The following QSOX1 variants were observed in gnomAD, a reference collection of about 807,000 sequenced individuals.
QSOX1 encodes quiescin sulfhydryl oxidase 1.
QSOX1 carries 40 observed loss-of-function variants against 76.1 expected under a neutral mutation model. That is an observed-to-expected ratio of 0.53 (90% confidence interval 0.41 to 0.68). The LOEUF (loss-of-function observed/expected upper bound fraction) is 0.68. Among genes scored for constraint, QSOX1 ranks in the 30% least tolerant of loss-of-function variants. The probability of loss-of-function intolerance (pLI) is 0.00; values close to 1 mark genes in which losing one functional copy is unlikely to be tolerated. For synonymous variants in QSOX1, 392 were observed against 413.1 expected, an observed-to-expected ratio of 0.95 and a Z score of 0.62; for missense variants, 931 against 974.3, an observed-to-expected ratio of 0.96 and a Z score of 0.59.
At chr1:180,159,037 C>A (rs1190369539) in intron 1 of QSOX1, among the ~76,000 whole-genome samples, 3 of 152,210 alleles carry the variant, frequency 2.0e-5, no homozygotes, top group Non-Finnish European at 4.4e-5. Flanking sequence ...GCAGGGGACG[C>A]TGCCCTTGAC....
Position 180,155,139 on chromosome 1 carries a change from C to T in QSOX1, c.232C>T (p.Pro78Ser). ...SWCGHCIAFAPTWKALAEDVK... is the reference protein window; with the variant it reads ...SWCGHCIAFASTWKALAEDVK... Reference sequence around the variant, plus strand: ...GTGCGGCCACTGCATCGCCTTCGCCCCGACGTGGAAGGCGCTGGCCGAAGA... The same window carrying T: ...GTGCGGCCACTGCATCGCCTTCGCCTCGACGTGGAAGGCGCTGGCCGAAGA... The change falls in exon 1 of 12, where the codon CCG becomes TCG. Residue 78 changes from proline (P) to serine (S), a missense_variant. By Grantham distance (74) the Pro-to-Ser change is moderately conservative. Coordinates refer to ENST00000367602, the MANE Select transcript of QSOX1 (RefSeq NM_002826.5). The T allele has an allele frequency of 6.6e-7, 1 of 1,521,508 alleles. No homozygotes were observed. The highest frequency in any genetic ancestry group is 1.2e-5 in the South Asian group (1 of 82,766). 94.3% of individuals were successfully genotyped at this position (1,521,508 alleles called of 1,614,324 possible).
intron 4 of QSOX1, among the ~76,000 whole-genome samples, chr1:180,177,851 A>ATGTTTTTGTTTGTTTTGTTT (rs1662936079): frequency 7.0e-6 from 1 of 142,622 alleles, no homozygotes; most frequent in African/African-American, 2.6e-5. Flanking sequence ...CATCAATACC[A>ATGTTTTTGTTTGTTTTGTTT]TGTTTTTGTT....
intron 2 of QSOX1, among the ~76,000 whole-genome samples, chr1:180,170,778 G>A (rs192482206): frequency 3.9e-5 from 6 of 152,308 alleles, no homozygotes; most frequent in East Asian, 3.9e-4. Context: ...CTTGATTTCC[G>A]CATGGGCTTC....
chr1:180,192,352 G>C (rs1235017167), intron 10 of QSOX1, among the ~76,000 whole-genome samples: 1 of 152,278 alleles, frequency 6.6e-6, no homozygotes, highest in East Asian at 1.9e-4. Context: ...TTGGCATTTT[G>C]AGAAGCCACT....
intron 6 of QSOX1, 83 bp from the exon 7 acceptor site, chr1:180,183,833 C>A (rs1241010349): frequency 5.6e-5 from 79 of 1,418,776 alleles, no homozygotes; most frequent in Non-Finnish European, 7.1e-5. Context: ...ATGAGCCACC[C>A]TTCTTCCTCT....
chr1:180,193,847 C>T (rs761228196), intron 10 of QSOX1, among the ~76,000 whole-genome samples: 2 of 152,140 alleles, frequency 1.3e-5, no homozygotes, highest in Non-Finnish European at 2.9e-5. Context: ...GAGGAAGGGC[C>T]AGGGGCTAGG....
intron 7 of QSOX1, among the ~76,000 whole-genome samples, chr1:180,184,751 C>T (rs564773000): frequency 2.6e-5 from 4 of 152,120 alleles, no homozygotes; most frequent in Non-Finnish European, 5.9e-5. Context: ...GGACGGTGCC[C>T]CTCACAAGGG....
intron 7 of QSOX1, among the ~76,000 whole-genome samples, 179 bp from the exon 8 acceptor site, chr1:180,185,874 T>C (rs1385566776): frequency 1.3e-5 from 2 of 152,228 alleles, no homozygotes; most frequent in East Asian, 1.9e-4. Context: ...TCAGAGAAAT[T>C]AGGTAATTTA....
chr1:180,178,934 A>C (rs1662964345), intron 5 of QSOX1, 50 bp downstream of exon 5: 3 of 1,535,656 alleles, frequency 2.0e-6, no homozygotes, highest in Admixed American at 3.4e-5. Flanking sequence ...ATGGAGAGAG[A>C]GCCCCAGTTT....
Position 180,198,501 on chromosome 1 carries a change from G to T in QSOX1, c.*1464G>T, listed in dbSNP as rs779839506. On this transcript the variant is annotated 3_prime_UTR_variant, in exon 12 of 12. Transcript: ENST00000367602. ...TAAGGGGGAGCAGGAGCCTCAATCC[G>T]ATTTGGTTTTCTCTTTGACATCTTC... 4 of 421,656 alleles carry T rather than the reference G, an allele frequency of 9.5e-6. No individual in the cohort carries two copies. Among genetic ancestry groups the T allele is most frequent in the Non-Finnish European group, 2.0e-5 (4 of 203,290 alleles). The allele number at this position is 421,656 out of a possible 1,614,324, so 26.1% of individuals were successfully genotyped here. A position where few individuals can be genotyped will look rare whatever the true frequency, so the allele number is the denominator to read the frequency against.
intron 10 of QSOX1, among the ~76,000 whole-genome samples, chr1:180,193,454 G>A (rs926187040): frequency 6.6e-6 from 1 of 151,840 alleles, no homozygotes; most frequent in East Asian, 1.9e-4. Flanking sequence ...GGGTGCCAAC[G>A]TCCTGCTGCG....
chr1:180,193,034 T>C (rs138052579), intron 10 of QSOX1, among the ~76,000 whole-genome samples: 49 of 152,008 alleles, frequency 3.2e-4, no homozygotes, highest in African/African-American at 1.2e-3. Context: ...TAGCAAGGGC[T>C]GTGTCGGTGG....
rs755080457 is a variant in QSOX1, at chr1:180,194,199, C to T, written c.1289-14C>T. Reference sequence around the variant, plus strand: ...CCTGAAGGGCTGGTGCGTGGCATCTCCTCTGCCCTGTAGCCAAGGCCAAGG... The same window carrying T: ...CCTGAAGGGCTGGTGCGTGGCATCTTCTCTGCCCTGTAGCCAAGGCCAAGG... On this transcript the variant is annotated splice_polypyrimidine_tract_variant and intron_variant, in intron 10 of 11. Transcript: ENST00000367602. 6.2e-7 allele frequency: 1 copy of T among 1,607,636 alleles called. No homozygotes were observed. Among genetic ancestry groups the T allele is most frequent in the Non-Finnish European group, 8.5e-7 (1 of 1,177,328 alleles).
rs528325169 is a variant in QSOX1 at position 180,160,798 on chromosome 1, C to T, written c.265+5626C>T. 1.8e-4 allele frequency among the ~76,000 whole-genome samples: 27 copies of T among 152,270 alleles called. No homozygotes were observed. In the East Asian group the frequency reaches 4.8e-3, roughly 27 times the overall value. On this transcript the variant is annotated intron_variant, in intron 1 of 11. Coordinates refer to ENST00000367602, the MANE Select transcript of QSOX1 (RefSeq NM_002826.5). ...TGGTGAACTCTTTGTGTAGCGTACA[C>T]GTCAGGCATGAGACTTGTCCCTTGA...
At chr1:180,194,501 C>T (rs1663410966) in intron 11 of QSOX1, 109 bp downstream of exon 11, 1 of 1,090,970 alleles carries the variant, frequency 9.2e-7, no homozygotes, top group African/African-American at 1.6e-5. Flanking sequence ...ATTGTCCCCT[C>T]AGTCACAGCC....
intron 8 of QSOX1, among the ~76,000 whole-genome samples, chr1:180,189,184 G>A (rs1215950067): frequency 6.6e-6 from 1 of 152,168 alleles, no homozygotes; most frequent in Admixed American, 6.5e-5. Context: ...GCTCCCAGCA[G>A]CCCTGGCAAG....
At chr1:180,174,185 G>A (rs74324619) in intron 2 of QSOX1, among the ~76,000 whole-genome samples, 3,909 of 152,358 alleles carry the variant, frequency 0.026, 156 homozygotes, top group African/African-American at 0.088. Flanking sequence ...TTCAGTGGCC[G>A]GCTTCCAGGA....
chr1:180,179,693 G>C (rs1314460793), intron 5 of QSOX1, among the ~76,000 whole-genome samples: 1 of 152,272 alleles, frequency 6.6e-6, no homozygotes, highest in East Asian at 1.9e-4. Context: ...AGTCAGTGCA[G>C]GGAGACAGGC....
intron 5 of QSOX1, among the ~76,000 whole-genome samples, chr1:180,181,598 A>G (rs1663037765): frequency 6.6e-6 from 1 of 152,212 alleles, no homozygotes; most frequent in African/African-American, 2.4e-5. Context: ...TTTGAACGCA[A>G]TAAAATCACA....
Sources: gnomAD v4.1 joint callset for allele counts (sites outside exome capture counted in the v4.1 genomes callset) on GRCh38, gnomAD v4.1.1 for gene constraint, MANE v1.5 for transcripts, NCBI Gene and HGNC (gene_info 2026-07-23, HGNC 2026-07-21) for gene names.